VAMP7: variants seen among roughly 807,000 people sequenced by gnomAD.
The protein encoded by VAMP7 is vesicle-associated membrane protein 7.
VAMP7 carries 14 observed loss-of-function variants against 29.6 expected under a neutral mutation model. The observed-to-expected ratio is 0.47, with a 90% CI of 0.31 to 0.74. The LOEUF is 0.74. Ranked by LOEUF, VAMP7 falls within the 30% of genes least tolerant of loss-of-function variation. The pLI is 0.05. For missense variants in VAMP7, 223 were observed against 262.4 expected, an observed-to-expected ratio of 0.85 and a Z score of 1.04; for synonymous variants, 95 against 88.1, an observed-to-expected ratio of 1.08 and a Z score of -0.44.
At chrX:155,895,163 T>G (rs896015668) in intron 2 of VAMP7, among the ~76,000 whole-genome samples, 17 of 152,196 alleles carry the variant, frequency 1.1e-4, no homozygotes, top group Non-Finnish European at 1.6e-4. Flanking sequence ...GTTTTGCTTT[T>G]TTGTATCCTC....
chrX:155,924,188 C>G (rs1266908594), intron 6 of VAMP7, among the ~76,000 whole-genome samples: 1 of 152,086 alleles, frequency 6.6e-6, no homozygotes, highest in Non-Finnish European at 1.5e-5. Context: ...TTTTTTAACA[C>G]TTCTATTGAG....
chrX:155,929,466 G>A (rs1475991648), intron 6 of VAMP7, among the ~76,000 whole-genome samples: 1 of 152,120 alleles, frequency 6.6e-6, no homozygotes, highest in African/African-American at 2.4e-5. Context: ...GGCATTGTGT[G>A]GGGGGTGTGA....
intron 4 of VAMP7, 77 bp from the exon 5 acceptor site, chrX:155,900,420 T>A: frequency 8.9e-7 from 1 of 1,129,312 alleles, no homozygotes; most frequent in Non-Finnish European, 1.3e-6. Context: ...TCAGTGTAAA[T>A]TGTCATTCCC....
chrX:155,929,870 CA>C (rs1221166912), intron 6 of VAMP7, among the ~76,000 whole-genome samples: 6 of 152,100 alleles, frequency 3.9e-5, no homozygotes, highest in Non-Finnish European at 7.4e-5. Flanking sequence ...GCACCAACTG[CA>C]AGTTTGGGGA....
At chrX:155,937,557 A>C (rs2066679531) in intron 6 of VAMP7, among the ~76,000 whole-genome samples, 1 of 152,204 alleles carries the variant, frequency 6.6e-6, no homozygotes, top group Non-Finnish European at 1.5e-5. Context: ...TTTGCCAATT[A>C]TACTTCAAGG....
At chrX:155,892,499 C>T (rs1223320793) in intron 2 of VAMP7, among the ~76,000 whole-genome samples, 5 of 152,100 alleles carry the variant, frequency 3.3e-5, no homozygotes, top group African/African-American at 1.2e-4. Context: ...TCATACTTAG[C>T]CATTTACAAT....
intron 3 of VAMP7, among the ~76,000 whole-genome samples, chrX:155,896,258 TTATTC>T (rs2065986290): frequency 1.3e-5 from 2 of 152,190 alleles, no homozygotes; most frequent in African/African-American, 4.8e-5. Flanking sequence ...ACTTCTATAT[TTATTC>T]TATTTTGTAG....
chrX:155,896,039 T>C (rs1165023514), intron 3 of VAMP7, among the ~76,000 whole-genome samples: 1 of 152,176 alleles, frequency 6.6e-6, no homozygotes, highest in Non-Finnish European at 1.5e-5. Context: ...TTGGAAAAAT[T>C]GTCTTCTACA....
At chrX:155,936,459 G>A (rs1481922431) in intron 6 of VAMP7, among the ~76,000 whole-genome samples, 3 of 152,344 alleles carry the variant, frequency 2.0e-5, no homozygotes, top group South Asian at 2.1e-4. Flanking sequence ...TGCTGTGCTA[G>A]CAATGAGTGA....
In VAMP7 at chrX:155,905,792, T is replaced by G. The variant is rs773353021; in HGVS notation, c.433+5205T>G. ...CAGTACCAGGCTGTCATGATTATTATAGCTTTGTAGTAGGTTTTAAAATCA... is the reference window on the plus strand; with the variant it reads ...CAGTACCAGGCTGTCATGATTATTAGAGCTTTGTAGTAGGTTTTAAAATCA... On this transcript the variant is annotated intron_variant, in intron 5 of 7. Transcript: ENST00000286448. Among the ~76,000 whole-genome samples, 3 of 152,316 alleles carry G rather than the reference T, an allele frequency of 2.0e-5. No homozygotes were observed. The East Asian group carries it at 5.8e-4, about 29-fold the overall frequency.
At chrX:155,917,959 TA>T (rs1330169077) in intron 5 of VAMP7, among the ~76,000 whole-genome samples, 1 of 152,160 alleles carries the variant, frequency 6.6e-6, no homozygotes, top group African/African-American at 2.4e-5. Context: ...GTTTTATCTA[TA>T]AGCCTCTGGC....
chrX:155,940,804 T>C (rs1248600299), intron 7 of VAMP7, among the ~76,000 whole-genome samples: 1 of 152,162 alleles, frequency 6.6e-6, no homozygotes, highest in East Asian at 1.9e-4. Context: ...TGTGTGTGTA[T>C]GTGTGAATAT....
At chrX:155,931,555 G>T (rs757149165) in intron 6 of VAMP7, among the ~76,000 whole-genome samples, 3 of 152,280 alleles carry the variant, frequency 2.0e-5, no homozygotes, top group African/African-American at 7.2e-5. Context: ...TGTTGATGGG[G>T]TTGTTTGTTT....
intron 2 of VAMP7, 75 bp downstream of exon 2, chrX:155,889,687 A>G: frequency 2.0e-6 from 3 of 1,499,220 alleles, no homozygotes; most frequent in Non-Finnish European, 2.7e-6. Context: ...GTAGAAAAGT[A>G]GAAAACAAGC....
intron 4 of VAMP7, among the ~76,000 whole-genome samples, chrX:155,898,465 A>G (rs2066016961): frequency 6.6e-6 from 1 of 152,108 alleles, no homozygotes. Context: ...AATAGTGGTC[A>G]CAGTGTCTCA....
intron 6 of VAMP7, among the ~76,000 whole-genome samples, chrX:155,932,427 C>T (rs2066574560): frequency 6.6e-6 from 1 of 152,058 alleles, no homozygotes; most frequent in African/African-American, 2.4e-5. Flanking sequence ...CCTTCACATC[C>T]CTTGTAAGTT....
intron 5 of VAMP7, among the ~76,000 whole-genome samples, chrX:155,916,452 G>A (rs2066315021): frequency 6.6e-6 from 1 of 152,142 alleles, no homozygotes; most frequent in East Asian, 1.9e-4. Flanking sequence ...TCATAGTGTT[G>A]ATGGTCTTTA....
At chrX:155,906,929 A>G (rs1376658714) in intron 5 of VAMP7, among the ~76,000 whole-genome samples, 2 of 152,146 alleles carry the variant, frequency 1.3e-5, no homozygotes, top group Non-Finnish European at 2.9e-5. Context: ...ACAATTAAGT[A>G]TGAGGTTAGC....
chrX:155,898,375 T>TAAAACTTCCCTGATTAAAAAAAAAATGTA, intron 4 of VAMP7, 126 bp downstream of exon 4: 1 of 1,283,358 alleles, frequency 7.8e-7, no homozygotes, highest in Non-Finnish European at 1.1e-6. Flanking sequence ...GCCAACATAA[T>TAAAACTTCCCTGATTAAAAAAAAAATGTA]AAAACTTCCC....
Sources: gnomAD v4.1 joint callset for allele counts (sites outside exome capture counted in the v4.1 genomes callset) on GRCh38, gnomAD v4.1.1 for gene constraint, MANE v1.5 for transcripts, NCBI Gene and HGNC (gene_info 2026-07-23, HGNC 2026-07-21) for gene names.